COG8: variants seen among roughly 807,000 people sequenced by gnomAD.
The protein encoded by COG8 is component of oligomeric golgi complex 8.
COG8 carries 45 observed loss-of-function variants against 46.5 expected under a neutral mutation model. That is an observed-to-expected ratio of 0.97 (90% CI 0.76 to 1.24). The LOEUF (loss-of-function observed/expected upper bound fraction) is 1.24, where lower values mean the gene tolerates loss of function less well. Among genes scored for constraint, COG8 ranks in the 50% most tolerant of loss-of-function variants. COG8 has a pLI of 0.00. For missense variants in COG8, 793 were observed against 820.8 expected, an observed-to-expected ratio of 0.97 and a Z score of 0.41; for synonymous variants, 407 against 347.8, an observed-to-expected ratio of 1.17 and a Z score of -1.90.
chr16:69,330,765 T>C (rs1023956784), intron 5 of COG8, 48 bp downstream of exon 5: 1 of 1,464,532 alleles, frequency 6.8e-7, no homozygotes. Context: ...CCCCGGACCT[T>C]CCAGGGCGAG....
chr16:69,329,854 C>T, intron 5 of COG8: 6 of 1,078,692 alleles, frequency 5.6e-6, no homozygotes, highest in East Asian at 3.1e-5. Flanking sequence ...TTCTATCCGT[C>T]CTGAGGCCTC....
At chr16:69,331,827 A>G (rs1370745577) in intron 4 of COG8, among the ~76,000 whole-genome samples, 1 of 152,178 alleles carries the variant, frequency 6.6e-6, no homozygotes, top group Admixed American at 6.5e-5. Flanking sequence ...TAATACAGCA[A>G]AAACCACCTT....
intron 5 of COG8, chr16:69,330,454 G>C: frequency 3.4e-6 from 5 of 1,472,200 alleles, no homozygotes; most frequent in Non-Finnish European, 4.5e-6. Context: ...CCGGGCCCTC[G>C]ACGCCGTCCG....
intron 4 of COG8, among the ~76,000 whole-genome samples, chr16:69,331,748 G>A (rs1215786962): frequency 1.3e-5 from 2 of 152,006 alleles, no homozygotes; most frequent in East Asian, 3.9e-4. Flanking sequence ...TGATCCATCC[G>A]CCTCGGCCTC....
chr16:69,330,222 C>G, intron 5 of COG8: 1 of 1,452,570 alleles, frequency 6.9e-7, no homozygotes. Flanking sequence ...CGCGGCACCC[C>G]CAGCTGCGGC....
At chr16:69,331,296 T>C (rs2143323445) in intron 4 of COG8, among the ~76,000 whole-genome samples, 1 of 151,528 alleles carries the variant, frequency 6.6e-6, no homozygotes, top group South Asian at 2.1e-4. Flanking sequence ...CTCTTAAAAA[T>C]ACAACATTAG....
chr16:69,330,832 A>G lies in COG8; in HGVS notation c.*7T>C. The G allele has an allele frequency of 6.5e-7, 1 of 1,533,582 alleles. No homozygotes were observed. The highest frequency in any genetic ancestry group is 1.2e-5 in the South Asian group (1 of 83,384). 95.0% of individuals were successfully genotyped at this position (1,533,582 alleles called of 1,614,324 possible). ...ACGCACCGCGTTCTGGAGGCAGGGG[A>G]CGCCGGCTAGGGCCCCACGCTGGGC... On this transcript the variant is annotated 3_prime_UTR_variant, in exon 5 of 6. Transcript: ENST00000306875.
Position 69,336,709 on chromosome 16 carries a change from G to A in COG8, c.381C>T (p.Asn127=), listed in dbSNP as rs991797535. 6.2e-7 allele frequency: 1 copy of A among 1,613,858 alleles called. No homozygotes were observed. Among genetic ancestry groups the A allele is most frequent in the Non-Finnish European group, 8.5e-7 (1 of 1,179,862 alleles). The part of the protein sequence containing the change: ...RLPSFQQSCR[N]FVKEAEEISS... The stretch of plus-strand genomic sequence containing the variant: ...TGATCTCCTCGGCTTCCTTCACAAA[G>A]TTCCTAGTAATAATCAGAAGAATGT... The change falls in exon 2 of 6, where the codon AAC becomes AAT. Residue 127 remains asparagine (N), a synonymous_variant. Coordinates refer to ENST00000306875, the MANE Select transcript of COG8 (RefSeq NM_032382.5).
intron 4 of COG8, 38 bp from the exon 5 acceptor site, chr16:69,331,133 T>C: frequency 6.2e-7 from 1 of 1,610,768 alleles, no homozygotes; most frequent in East Asian, 2.2e-5. Context: ...GGAAAACAGT[T>C]ACTAATAAAA....
At chr16:69,331,226 G>C in intron 4 of COG8, 131 bp from the exon 5 acceptor site, 2 of 912,356 alleles carry the variant, frequency 2.2e-6, no homozygotes, top group Non-Finnish European at 3.4e-6. Flanking sequence ...GGAGGGGGGG[G>C]CGGATCACCT....
In COG8 at chr16:69,330,131, G is replaced by A. The variant is rs746290243; in HGVS notation, c.*26+682C>T. On this transcript the variant is annotated intron_variant, in intron 5 of 5. Transcript: ENST00000306875. ...GTTCACGAACACGCGCAGGGGGAAG[G>A]GCTCCATTTGGCGGAGCGCGCGCTG... The A allele has an allele frequency of 1.3e-6, 2 of 1,572,030 alleles. No homozygotes were observed. Among genetic ancestry groups the A allele is most frequent in the Non-Finnish European group, 1.7e-6 (2 of 1,162,302 alleles).
In COG8 at chr16:69,336,520, G is replaced by C; in HGVS notation, c.570C>G (p.Ser190=). The change falls in exon 2 of 6, where the codon TCC becomes TCG. Residue 190 remains serine (S), a synonymous_variant. Coordinates refer to ENST00000306875, the MANE Select transcript of COG8 (RefSeq NM_032382.5). ...AGGTGGCTACCTGGATGACAGGGAT[G>C]GAAGAGTATTTCCTCTCCAGTCGGC... The part of the protein sequence containing the change: ...YVRRLERKYS[S]IPVIQGIVNE... 6.2e-7 allele frequency: 1 copy of C among 1,614,106 alleles called. No homozygotes were observed. The highest frequency in any genetic ancestry group is 8.5e-7 in the Non-Finnish European group (1 of 1,179,996).
At chr16:69,337,257 G>C (rs1376233055) in intron 1 of COG8, among the ~76,000 whole-genome samples, 3 of 144,762 alleles carry the variant, frequency 2.1e-5, no homozygotes, top group Non-Finnish European at 4.5e-5. Flanking sequence ...CTGCAGCCTG[G>C]CCAACAAAGC....
chr16:69,333,385 C>G (rs1054594533), intron 3 of COG8, among the ~76,000 whole-genome samples: 2 of 152,210 alleles, frequency 1.3e-5, no homozygotes, highest in African/African-American at 4.8e-5. Flanking sequence ...CCAGGCTGGT[C>G]TGGAGCCCCT....
chr16:69,330,104 G>T, intron 5 of COG8: 1 of 1,583,164 alleles, frequency 6.3e-7, no homozygotes, highest in East Asian at 2.4e-5. Flanking sequence ...TCGCAGGCTG[G>T]GGTTCACGAA....
At chr16:69,330,032 G>A (rs779921446) in intron 5 of COG8, 2 of 1,545,224 alleles carry the variant, frequency 1.3e-6, no homozygotes, top group Non-Finnish European at 8.7e-7. Flanking sequence ...GGGCACGCAG[G>A]CCAGGAAGCC....
At position 69,335,264 on chromosome 16, in the gene COG8, C is replaced by G; in HGVS notation, c.670G>C (p.Ala224Pro). ...AGGTAGCCAATGACACGGAGGCAGG[C>G]AGGAAGCTGGATGTTGGTCCTCAGT... Reference protein sequence around the residue: ...QQLRTNIQLPACLRVIGYLRR... With the variant: ...QQLRTNIQLPPCLRVIGYLRR... The change falls in exon 3 of 6, where the codon GCC becomes CCC. Residue 224 changes from alanine (A) to proline (P), a missense_variant. Physicochemically the swap from Ala to Pro is conservative, Grantham distance 27. Transcript: ENST00000306875. 6.2e-7 allele frequency: 1 copy of G among 1,613,530 alleles called. No homozygotes were observed. The highest frequency in any genetic ancestry group is 8.5e-7 in the Non-Finnish European group (1 of 1,179,882).
At chr16:69,334,355 A>G (rs1039806109) in intron 3 of COG8, among the ~76,000 whole-genome samples, 166 bp downstream of exon 3, 21 of 152,262 alleles carry the variant, frequency 1.4e-4, no homozygotes, top group Non-Finnish European at 2.8e-4. Context: ...CCTAGGTCCC[A>G]TGAAGGGCAA....
In COG8 at chr16:69,330,032, G is replaced by C. The variant is rs779921446; in HGVS notation, c.*26+781C>G. ...CACCGCCTGGAAGCGGGGCACGCAG[G>C]CCAGGAAGCCGGCGACGCTCTCGCA... is the stretch of plus-strand genomic sequence containing the variant. On this transcript the variant is annotated intron_variant, in intron 5 of 5. Transcript: ENST00000306875. The C allele has an allele frequency of 5.8e-6, 9 of 1,545,106 alleles. No individual in the cohort carries two copies. The Admixed American group carries it at 1.8e-4, about 30-fold the overall frequency.
Sources: allele counts gnomAD v4.1 joint callset (sites outside exome capture counted in the v4.1 genomes callset), GRCh38; gene constraint gnomAD v4.1.1; transcripts MANE v1.5; gene names NCBI Gene and HGNC (gene_info 2026-07-23, HGNC 2026-07-21).